The following LRRC7 variants were observed in gnomAD, a reference collection of about 807,000 sequenced individuals.
The protein encoded by LRRC7 is leucine-rich repeat-containing protein 7.
A neutral mutation model predicts 175.7 loss-of-function variants in LRRC7; 23 were observed. The observed-to-expected ratio is 0.13, with a 90% CI of 0.09 to 0.19. LRRC7 has a LOEUF of 0.19. LRRC7 is among the 10% of genes least tolerant of loss of function. The pLI, the probability that LRRC7 is intolerant of heterozygous loss-of-function variation, is 1.00. For synonymous variants in LRRC7, 685 were observed against 680.9 expected, an observed-to-expected ratio of 1.01 and a Z score of -0.09; for missense variants, 1,354 against 1,904.7, an observed-to-expected ratio of 0.71 and a Z score of 5.38.
intron 2 of LRRC7, among the ~76,000 whole-genome samples, chr1:69,709,289 A>G (rs1664451426): frequency 6.6e-6 from 1 of 152,232 alleles, no homozygotes; most frequent in Admixed American, 6.5e-5. Flanking sequence ...GCAGCTTACC[A>G]GGGAAACAGA....
chr1:69,962,212 A>G (rs1018685298), intron 8 of LRRC7, among the ~76,000 whole-genome samples: 3 of 152,214 alleles, frequency 2.0e-5, no homozygotes, highest in Admixed American at 1.3e-4. Context: ...CATGCACCCA[A>G]CAATTACATG....
At chr1:69,687,827 A>G (rs1661375092) in intron 2 of LRRC7, among the ~76,000 whole-genome samples, 1 of 152,218 alleles carries the variant, frequency 6.6e-6, no homozygotes, top group South Asian at 2.1e-4. Context: ...ATATTCTAAT[A>G]TTAACCAGCT....
At chr1:69,650,834 T>C (rs1655729589) in intron 1 of LRRC7, among the ~76,000 whole-genome samples, 1 of 152,212 alleles carries the variant, frequency 6.6e-6, no homozygotes, top group Non-Finnish European at 1.5e-5. Context: ...TGGGAGCATA[T>C]TGCAAGCATC....
intron 26 of LRRC7, among the ~76,000 whole-genome samples, chr1:70,116,752 C>A (rs1453731174): frequency 3.9e-5 from 6 of 152,058 alleles, no homozygotes; most frequent in African/African-American, 1.2e-4. Context: ...AATAGCTTGG[C>A]ATAGAGTCAA....
intron 3 of LRRC7, among the ~76,000 whole-genome samples, chr1:69,766,580 T>G (rs978536846): frequency 6.6e-6 from 1 of 152,108 alleles, no homozygotes; most frequent in African/African-American, 2.4e-5. Context: ...AGCTATGTAT[T>G]CTTAATACTT....
intron 1 of LRRC7, among the ~76,000 whole-genome samples, chr1:69,648,276 T>C (rs1448539059): frequency 6.6e-6 from 1 of 152,130 alleles, no homozygotes; most frequent in Non-Finnish European, 1.5e-5. Context: ...TTAATTTGTA[T>C]GAAAATAATA....
At position 69,855,454 on chromosome 1, in the gene LRRC7, C is replaced by A. The variant is rs149744547; in HGVS notation, c.647+17171C>A. On this transcript the variant is annotated intron_variant, in intron 7 of 26. Transcript: ENST00000651989. ...AGCGGTTTTGAGTGAGTTTCTTAACCCTGAGTTCTAATTTGATTGCACTGT... is the reference window on the plus strand; with the variant it reads ...AGCGGTTTTGAGTGAGTTTCTTAACACTGAGTTCTAATTTGATTGCACTGT... Among the ~76,000 whole-genome samples the A allele has an allele frequency of 3.7e-3, 562 of 152,166 alleles. 4 individuals carry two copies. The highest frequency in any genetic ancestry group is 0.013 in the African/African-American group (532 of 41,502).
chr1:69,865,727 G>A (rs1404728095), intron 7 of LRRC7, among the ~76,000 whole-genome samples: 1 of 151,810 alleles, frequency 6.6e-6, no homozygotes, highest in African/African-American at 2.4e-5. Context: ...TGATCTGCCC[G>A]CCTCAGCCTC....
chr1:69,724,152 CTG>C (rs1161105970), intron 2 of LRRC7, among the ~76,000 whole-genome samples: 2 of 152,018 alleles, frequency 1.3e-5, no homozygotes, highest in Non-Finnish European at 1.5e-5. Context: ...TTTTCCTCAT[CTG>C]TGAAAAAAAT....
chr1:69,929,842 A>G (rs770208159), intron 7 of LRRC7, among the ~76,000 whole-genome samples: 3 of 152,144 alleles, frequency 2.0e-5, no homozygotes, highest in Non-Finnish European at 4.4e-5. Flanking sequence ...GTGCTGTAAG[A>G]TCGCATATTA....
chr1:70,078,217 TA>T (rs1053942014), intron 24 of LRRC7, among the ~76,000 whole-genome samples: 3 of 152,068 alleles, frequency 2.0e-5, no homozygotes, highest in African/African-American at 7.2e-5. Context: ...TATGTATCAA[TA>T]AAAAAGACTT....
chr1:69,868,937 A>C (rs920345983), intron 7 of LRRC7, among the ~76,000 whole-genome samples: 1 of 151,118 alleles, frequency 6.6e-6, no homozygotes, highest in African/African-American at 2.4e-5. Flanking sequence ...ATATATATAT[A>C]TCTTAATCTC....
chr1:69,689,906 T>C (rs1661624218), intron 2 of LRRC7, among the ~76,000 whole-genome samples: 1 of 152,194 alleles, frequency 6.6e-6, no homozygotes, highest in South Asian at 2.1e-4. Context: ...TTTAGCATAA[T>C]ATAAAAATAA....
At chr1:69,718,172 G>GAAGAA (rs1553146169) in intron 2 of LRRC7, among the ~76,000 whole-genome samples, 3 of 143,004 alleles carry the variant, frequency 2.1e-5, no homozygotes, top group Non-Finnish European at 3.1e-5. Context: ...AAGAAAGAAA[G>GAAGAA]AAGAAAAGAA....
At chr1:69,744,285 A>G (rs1278715566) in intron 2 of LRRC7, among the ~76,000 whole-genome samples, 3 of 151,786 alleles carry the variant, frequency 2.0e-5, no homozygotes, top group Non-Finnish European at 2.9e-5. Flanking sequence ...ACACATGTAC[A>G]ATATATATAA....
At chr1:70,064,974 C>T in intron 23 of LRRC7, among the ~76,000 whole-genome samples, 1 of 151,978 alleles carries the variant, frequency 6.6e-6, no homozygotes, top group South Asian at 2.1e-4. Context: ...TTTTGTTTCT[C>T]AATAACATAG....
intron 4 of LRRC7, among the ~76,000 whole-genome samples, chr1:69,810,222 G>A (rs1012925670): frequency 3.9e-5 from 6 of 152,144 alleles, no homozygotes; most frequent in African/African-American, 1.4e-4. Flanking sequence ...CAAGGAATGT[G>A]AAGGACCTCT....
rs1328300068 is a variant in LRRC7, at chr1:69,939,021, ATATATATATC to A, written c.711+7467_711+7476del. On this transcript the variant is annotated intron_variant, in intron 8 of 26. Coordinates refer to ENST00000651989, the MANE Select transcript of LRRC7 (RefSeq NM_001370785.2). ...TATATATATATATATATATCTATAT[ATATATATATC>A]TATATATATCTATATCTATCTCACA... is the stretch of plus-strand genomic sequence containing the variant. 1.5e-4 allele frequency among the ~76,000 whole-genome samples: 18 copies of A among 118,448 alleles called. 1 individual carries two copies. The highest frequency in any genetic ancestry group is 4.7e-4 in the African/African-American group (16 of 33,918). The allele number at this position is 118,448 out of a possible 152,430, so 77.7% of individuals were successfully genotyped here. A position where few individuals can be genotyped will look rare whatever the true frequency, so the allele number is the denominator to read the frequency against.
At chr1:69,606,300 A>G (rs1034617768) in intron 1 of LRRC7, among the ~76,000 whole-genome samples, 2 of 152,162 alleles carry the variant, frequency 1.3e-5, no homozygotes, top group Admixed American at 6.6e-5. Context: ...TTCTCTAATT[A>G]TGATGTCATA....
Sources: gnomAD v4.1 joint callset for allele counts (sites outside exome capture counted in the v4.1 genomes callset) on GRCh38, gnomAD v4.1.1 for gene constraint, MANE v1.5 for transcripts, NCBI Gene and HGNC (gene_info 2026-07-23, HGNC 2026-07-21) for gene names.